Variants in MED24 observed in about 807,000 individuals in gnomAD.
MED24 encodes the protein mediator of RNA polymerase II transcription subunit 24.
A neutral mutation model predicts 118.8 loss-of-function variants in MED24; 74 were observed. The observed-to-expected ratio is 0.62, with a 90% CI of 0.52 to 0.76. The LOEUF is 0.76. Among genes scored for constraint, MED24 ranks in the 30% least tolerant of loss-of-function variants. The probability of loss-of-function intolerance (pLI) is 0.00; values close to 1 mark genes in which losing one functional copy is unlikely to be tolerated. For synonymous variants in MED24, 521 were observed against 523.9 expected (o/e 0.99, Z 0.08); for missense variants, 1,041 against 1,278.9 (o/e 0.81, Z 2.84).
intron 3 of MED24, among the ~76,000 whole-genome samples, chr17:40,051,411 C>G (rs1985831024): frequency 6.6e-6 from 1 of 151,452 alleles, no homozygotes; most frequent in South Asian, 2.1e-4. Flanking sequence ...GTCAAGAGAT[C>G]AAGACCATAC....
intron 12 of MED24, among the ~76,000 whole-genome samples, chr17:40,030,744 C>T (rs758852483): frequency 8.6e-5 from 13 of 151,696 alleles, no homozygotes; most frequent in South Asian, 2.1e-4. Flanking sequence ...CCACAATCTC[C>T]GCCTCCTGGG....
chr17:40,032,302 G>C, intron 9 of MED24: 1 of 596,128 alleles, frequency 1.7e-6, no homozygotes, highest in South Asian at 2.1e-5. Context: ...CAAGCACCCT[G>C]CACCTCCGCT....
chr17:40,025,625 C>T (rs10445309), intron 19 of MED24, among the ~76,000 whole-genome samples: 1 of 152,178 alleles, frequency 6.6e-6, no homozygotes, highest in African/African-American at 2.4e-5. Context: ...TGTGAATATA[C>T]TTAACACTAC....
rs1982070601 is a variant in MED24 at position 40,021,965 on chromosome 17, A to G, written c.2613T>C (p.Leu871=). The G allele has an allele frequency of 6.2e-7, 1 of 1,602,008 alleles. No homozygotes were observed. The highest frequency in any genetic ancestry group is 8.5e-7 in the Non-Finnish European group (1 of 1,173,966). Residue 871 remains leucine (L), a synonymous_variant, in exon 23 of 26, where the codon CTT becomes CTC. Coordinates refer to ENST00000394128, the MANE Select transcript of MED24 (RefSeq NM_014815.4). The stretch of plus-strand genomic sequence containing the variant: ...AGCCCACACACTCACTGGGGCTCGA[A>G]AGGATGTTGGCATCGTCCTCATTAG... ...LSSNEDDANI[L]SSPTDRSMSS...
At chr17:40,041,040 G>A (rs920586958) in intron 3 of MED24, among the ~76,000 whole-genome samples, 7 of 152,044 alleles carry the variant, frequency 4.6e-5, no homozygotes, top group African/African-American at 9.7e-5. Flanking sequence ...GAGCCACCAC[G>A]CCCGGACAAC....
At chr17:40,027,300 C>T (rs1197352382) in intron 16 of MED24, 83 bp downstream of exon 16, 46 of 1,440,464 alleles carry the variant, frequency 3.2e-5, no homozygotes, top group Non-Finnish European at 4.0e-5. Context: ...TGAGAGGCTG[C>T]GGGGGCGCAG....
At chr17:40,025,550 C>CTA (rs1982544969) in intron 19 of MED24, among the ~76,000 whole-genome samples, 1 of 152,150 alleles carries the variant, frequency 6.6e-6, no homozygotes, top group Admixed American at 6.6e-5. Context: ...AAATAGGAAG[C>CTA]TGTTGTTCAG....
chr17:40,022,513 C>T, intron 21 of MED24, 29 bp from the exon 22 acceptor site: 1 of 1,597,984 alleles, frequency 6.3e-7, no homozygotes, highest in Non-Finnish European at 8.5e-7. Context: ...AAAAGGGGGA[C>T]AGTGAGAGGT....
At chr17:40,044,131 A>C (rs1318879143) in intron 3 of MED24, among the ~76,000 whole-genome samples, 321 of 144,230 alleles carry the variant, frequency 2.2e-3, no homozygotes, top group Non-Finnish European at 3.8e-3. Context: ...CTGTCTCACA[A>C]AAAAAAAAAA....
chr17:40,022,363 T>A (rs1183889519), intron 22 of MED24, 31 bp downstream of exon 22: 1 of 1,578,890 alleles, frequency 6.3e-7, no homozygotes, highest in Non-Finnish European at 8.6e-7. Context: ...GGTGAACAAG[T>A]GAAGCCGGCG....
In MED24 at chr17:40,019,946, G is replaced by A. The variant is rs1049571846; in HGVS notation, c.2705-13C>T. On this transcript the variant is annotated splice_polypyrimidine_tract_variant and intron_variant, in intron 24 of 25. Transcript: ENST00000394128. ...AGGAACAGGTTGGCTGTAGAGAGTG[G>A]GGGGAGAGTGACAGGAGGGAGTTCC... 7.1e-6 allele frequency: 11 copies of A among 1,558,758 alleles called. No homozygotes were observed. The highest frequency in any genetic ancestry group is 1.4e-5 in the African/African-American group (1 of 73,564).
intron 23 of MED24, among the ~76,000 whole-genome samples, chr17:40,021,745 G>C (rs1251462548): frequency 6.6e-6 from 1 of 152,202 alleles, no homozygotes; most frequent in African/African-American, 2.4e-5. Flanking sequence ...CCTGGGCAGA[G>C]GAGCTTCAAC....
chr17:40,053,655 G>A lies in MED24; in HGVS notation c.-37-20C>T. On this transcript the variant is annotated intron_variant, in intron 1 of 25. Transcript: ENST00000394128. ...GGCCAGCTTTGAGGTGAAAGAAATGGAGCTAAAGAAAAGGACATGAGGTTC... is the reference window on the plus strand; with the variant it reads ...GGCCAGCTTTGAGGTGAAAGAAATGAAGCTAAAGAAAAGGACATGAGGTTC... 6.2e-7 allele frequency: 1 copy of A among 1,612,752 alleles called. No individual in the cohort carries two copies. Among genetic ancestry groups the A allele is most frequent in the Non-Finnish European group, 8.5e-7 (1 of 1,180,028 alleles).
chr17:40,022,522 G>A (rs1453349035), intron 21 of MED24, 38 bp from the exon 22 acceptor site: 5 of 1,595,002 alleles, frequency 3.1e-6, no homozygotes, highest in Non-Finnish European at 4.3e-6. Flanking sequence ...ACAGTGAGAG[G>A]TGCCCCAGGA....
intron 13 of MED24, among the ~76,000 whole-genome samples, chr17:40,029,273 A>T (rs1302966931): frequency 6.6e-6 from 1 of 152,164 alleles, no homozygotes; most frequent in African/African-American, 2.4e-5. Context: ...ATCTTGGCTC[A>T]CTGCAACCTC....
intron 25 of MED24, 43 bp from the exon 26 acceptor site, chr17:40,019,688 T>G (rs1598326336): frequency 6.3e-7 from 1 of 1,579,760 alleles, no homozygotes; most frequent in South Asian, 1.2e-5. Context: ...CGGCTGGTGG[T>G]GGGTGTGCTG....
At chr17:40,037,527 C>G (rs1195460578) in intron 3 of MED24, among the ~76,000 whole-genome samples, 1 of 152,200 alleles carries the variant, frequency 6.6e-6, no homozygotes, top group Non-Finnish European at 1.5e-5. Context: ...ACCTTTAGCT[C>G]AGCATGTCTC....
chr17:40,034,850 A>AGGGGGGGG, intron 6 of MED24: 2 of 379,390 alleles, frequency 5.3e-6, no homozygotes, highest in African/African-American at 2.2e-5. Flanking sequence ...CTCCTTTGGT[A>AGGGGGGGG]GCCCCCCACC....
At chr17:40,021,230 C>G (rs1400990770) in intron 23 of MED24, 1 of 152,416 alleles carries the variant, frequency 6.6e-6, no homozygotes, top group East Asian at 1.9e-4. Context: ...CTGCTTACTC[C>G]TCACAACACC....
Sources: allele counts gnomAD v4.1 joint callset (sites outside exome capture counted in the v4.1 genomes callset), GRCh38; gene constraint gnomAD v4.1.1; transcripts MANE v1.5; gene names NCBI Gene and HGNC (gene_info 2026-07-23, HGNC 2026-07-21).